Variants in PXYLP1 observed in about 807,000 individuals in gnomAD.
The protein encoded by PXYLP1 is acid phosphatase-like 2.
PXYLP1 carries 17 observed loss-of-function variants against 37.9 expected under a neutral mutation model. The observed-to-expected ratio is 0.45, with a 90% CI of 0.31 to 0.67. The LOEUF is 0.67. Among genes scored for constraint, PXYLP1 ranks in the 30% least tolerant of loss-of-function variants. The pLI, the probability that PXYLP1 is intolerant of heterozygous loss-of-function variation, is 0.07. For synonymous variants in PXYLP1, 221 were observed against 232.2 expected, an observed-to-expected ratio of 0.95 and a Z score of 0.44; for missense variants, 511 against 612.0, an observed-to-expected ratio of 0.84 and a Z score of 1.74.
intron 1 of PXYLP1, among the ~76,000 whole-genome samples, chr3:141,248,712 T>TAC (rs1304682391): frequency 3.1e-5 from 1 of 32,760 alleles, no homozygotes; most frequent in Non-Finnish European, 4.7e-5. Context: ...CGTGTATATA[T>TAC]ACACACGTAT....
chr3:141,292,973 T>C lies in PXYLP1; in HGVS notation c.1211T>C (p.Ile404Thr). Residue 404 changes from isoleucine to threonine, a missense_variant, in exon 6 of 6, where the codon ATC becomes ACC. Coordinates refer to ENST00000286353, the MANE Select transcript of PXYLP1 (RefSeq NM_001037172.3). The surrounding 1 kb of genome is among the most constrained non-coding windows in gnomAD (Gnocchi z 4.3). ...ARFPRFAARL[I>T]FELWQDREKP... Reference sequence around the variant, plus strand: ...TTCCCAAGGTTTGCAGCCAGGTTGATCTTTGAGCTTTGGCAAGACAGAGAA... The same window carrying C: ...TTCCCAAGGTTTGCAGCCAGGTTGACCTTTGAGCTTTGGCAAGACAGAGAA... 1 of 1,614,180 alleles carries C rather than the reference T, an allele frequency of 6.2e-7. No individual in the cohort carries two copies. Among genetic ancestry groups the C allele is most frequent in the Non-Finnish European group, 8.5e-7 (1 of 1,180,024 alleles).
intron 2 of PXYLP1, among the ~76,000 whole-genome samples, chr3:141,260,988 C>T (rs920942325): frequency 3.3e-5 from 5 of 152,210 alleles, no homozygotes; most frequent in Non-Finnish European, 4.4e-5. Flanking sequence ...TTGCCAAGAG[C>T]GTTCTCCTCC....
intron 1 of PXYLP1, among the ~76,000 whole-genome samples, chr3:141,255,051 C>T (rs773322996): frequency 1.3e-4 from 20 of 152,186 alleles, no homozygotes; most frequent in Admixed American, 2.0e-4. Flanking sequence ...ATGCCTTTGA[C>T]GTGTTCTTTT....
intron 2 of PXYLP1, 32 bp downstream of exon 2, chr3:141,260,286 A>AG: frequency 6.2e-7 from 1 of 1,608,134 alleles, no homozygotes; most frequent in Non-Finnish European, 8.5e-7. Context: ...AGGTCGTGGG[A>AG]GGGTAGGGGC....
intron 2 of PXYLP1, among the ~76,000 whole-genome samples, chr3:141,269,939 G>A (rs1005839663): frequency 2.6e-5 from 4 of 152,242 alleles, no homozygotes; most frequent in Non-Finnish European, 4.4e-5. Flanking sequence ...TGGGGCTCAA[G>A]CCCAGGCCAC....
At chr3:141,262,394 C>G in intron 2 of PXYLP1, 1 of 1,018,754 alleles carries the variant, frequency 9.8e-7, no homozygotes, top group Non-Finnish European at 1.2e-6. Flanking sequence ...AATTTTCCAT[C>G]CTTTGGTTGG....
At chr3:141,287,030 G>A (rs1942091473) in intron 4 of PXYLP1, among the ~76,000 whole-genome samples, 1 of 152,236 alleles carries the variant, frequency 6.6e-6, no homozygotes, top group East Asian at 1.9e-4. Context: ...AGCCCGGAAG[G>A]CAGCACAGGT....
intron 1 of PXYLP1, 71 bp from the exon 2 acceptor site, chr3:141,260,052 G>T (rs1475137533): frequency 3.7e-6 from 4 of 1,073,280 alleles, no homozygotes; most frequent in Non-Finnish European, 5.5e-6. Flanking sequence ...TGACAAGTTT[G>T]GTTATTTTCA....
At chr3:141,262,516 C>T in intron 2 of PXYLP1, 1 of 804,694 alleles carries the variant, frequency 1.2e-6, no homozygotes, top group East Asian at 3.0e-5. Context: ...GAGCTGGTTT[C>T]CACGTCACTG....
At chr3:141,270,909 AAG>A (rs1462487091) in intron 2 of PXYLP1, among the ~76,000 whole-genome samples, 1 of 152,110 alleles carries the variant, frequency 6.6e-6, no homozygotes, top group African/African-American at 2.4e-5. Flanking sequence ...ATTCATTTAT[AAG>A]ATGGAGTCTC....
At chr3:141,250,250 T>A (rs543289592) in intron 1 of PXYLP1, among the ~76,000 whole-genome samples, 90 of 152,404 alleles carry the variant, frequency 5.9e-4, no homozygotes, top group African/African-American at 2.1e-3. Flanking sequence ...CTGATGTTTT[T>A]AAACATATAA....
At chr3:141,255,416 A>G (rs1311710026) in intron 1 of PXYLP1, among the ~76,000 whole-genome samples, 2 of 152,230 alleles carry the variant, frequency 1.3e-5, no homozygotes, top group Non-Finnish European at 2.9e-5. Context: ...TTTGGTCATG[A>G]TGCCATGTTG....
At chr3:141,279,296 G>C in intron 3 of PXYLP1, 82 bp from the exon 4 acceptor site, 2 of 1,550,254 alleles carry the variant, frequency 1.3e-6, no homozygotes, top group South Asian at 1.2e-5. Context: ...GCCCAAATGT[G>C]GCCAGGTCAT....
At chr3:141,276,117 G>T (rs777781782) in intron 2 of PXYLP1, among the ~76,000 whole-genome samples, 28 of 152,242 alleles carry the variant, frequency 1.8e-4, no homozygotes, top group Non-Finnish European at 4.1e-4. Flanking sequence ...AATAGCCTAG[G>T]TGTGTAGAAA....
At chr3:141,268,327 G>A (rs1277132222) in intron 2 of PXYLP1, among the ~76,000 whole-genome samples, 2 of 152,086 alleles carry the variant, frequency 1.3e-5, no homozygotes, top group Non-Finnish European at 2.9e-5. Context: ...ATTCAGGAAA[G>A]TGCCTGGAGA....
chr3:141,268,196 AGAGAGAGAGAGTGT>A lies in PXYLP1; in HGVS notation c.79+7944_79+7957del, dbSNP rs756679686. Among the ~76,000 whole-genome samples the A allele has an allele frequency of 5.8e-3, 326 of 55,866 alleles. 1 individual carries two copies. The highest frequency in any genetic ancestry group is 0.011 in the South Asian group (15 of 1,324). 36.7% of individuals were successfully genotyped at this position (55,866 alleles called of 152,430 possible). A position where few individuals can be genotyped will look rare whatever the true frequency, so the allele number is the denominator to read the frequency against. ...GAGAGAGAGAGAGAGAGAGAGAGAGAGAGAGAGAGAGTGTGTGTGTGTGTGTGTGTGTGTGTGTG... is the reference window on the plus strand; with the variant it reads ...GAGAGAGAGAGAGAGAGAGAGAGAGAGTGTGTGTGTGTGTGTGTGTGTGTG... On this transcript the variant is annotated intron_variant, in intron 2 of 5. Transcript: ENST00000286353.
chr3:141,257,010 G>A (rs977910511), intron 1 of PXYLP1, among the ~76,000 whole-genome samples: 2 of 152,176 alleles, frequency 1.3e-5, no homozygotes, highest in African/African-American at 2.4e-5. Flanking sequence ...TTAACCTAAC[G>A]TATTTAAATC....
chr3:141,257,509 C>T (rs933083739), intron 1 of PXYLP1, among the ~76,000 whole-genome samples: 3 of 152,132 alleles, frequency 2.0e-5, no homozygotes, highest in East Asian at 1.9e-4. Flanking sequence ...GCTGTTACTG[C>T]GACAATTTAC....
At chr3:141,237,675 A>T (rs1054603290) in intron 1 of PXYLP1, among the ~76,000 whole-genome samples, 1 of 152,258 alleles carries the variant, frequency 6.6e-6, no homozygotes, top group Admixed American at 6.5e-5. Flanking sequence ...ATTACCTTTT[A>T]GGCGCCAACT....
Sources: gnomAD v4.1 joint callset for allele counts (sites outside exome capture counted in the v4.1 genomes callset) on GRCh38, gnomAD v4.1.1 for gene constraint, Gnocchi (gnomAD v3.1) non-coding constraint, MANE v1.5 for transcripts, NCBI Gene and HGNC (gene_info 2026-07-23, HGNC 2026-07-21) for gene names.